SPOCK1: variants seen among roughly 807,000 people sequenced by gnomAD.
The protein encoded by SPOCK1 is testican-1.
A neutral mutation model predicts 55.3 loss-of-function variants in SPOCK1; 23 were observed. The ratio of observed to expected loss-of-function variants is 0.42; its 90% CI spans 0.30 to 0.59. SPOCK1 has a LOEUF of 0.59. Among genes scored for constraint, SPOCK1 ranks in the 20% least tolerant of loss-of-function variants. SPOCK1 has a pLI of 0.22. For synonymous variants in SPOCK1, 226 were observed against 221.0 expected (o/e 1.02, Z -0.20); for missense variants, 499 against 552.5 (o/e 0.90, Z 0.97).
At chr5:137,354,927 ATCTC>A (rs936814201) in intron 2 of SPOCK1, among the ~76,000 whole-genome samples, 1 of 151,898 alleles carries the variant, frequency 6.6e-6, no homozygotes, top group Non-Finnish European at 1.5e-5. Context: ...TTGAAAAGGC[ATCTC>A]TCTCTCTGTC....
At chr5:137,443,488 A>T (rs1350598479) in intron 2 of SPOCK1, among the ~76,000 whole-genome samples, 1 of 152,074 alleles carries the variant, frequency 6.6e-6, no homozygotes, top group African/African-American at 2.4e-5. Context: ...TCCAGTTCTC[A>T]CCCACAACCG....
At chr5:137,133,703 AAG>A (rs1321506466) in intron 4 of SPOCK1, among the ~76,000 whole-genome samples, 2 of 152,216 alleles carry the variant, frequency 1.3e-5, no homozygotes, top group Non-Finnish European at 2.9e-5. Context: ...GTTTAAAAAA[AAG>A]AGAGAGGCGA....
chr5:137,059,530 T>C (rs1752358809), intron 6 of SPOCK1, among the ~76,000 whole-genome samples: 1 of 152,176 alleles, frequency 6.6e-6, no homozygotes, highest in African/African-American at 2.4e-5. Flanking sequence ...ATTCTAGACA[T>C]AGACCTTGGC....
At chr5:137,400,177 A>G (rs1387508698) in intron 2 of SPOCK1, among the ~76,000 whole-genome samples, 1 of 152,134 alleles carries the variant, frequency 6.6e-6, no homozygotes, top group Admixed American at 6.5e-5. Flanking sequence ...CGATCACTGT[A>G]GCTTCTGGCC....
intron 6 of SPOCK1, among the ~76,000 whole-genome samples, chr5:137,017,140 C>T (rs970335099): frequency 2.0e-5 from 3 of 152,242 alleles, no homozygotes; most frequent in Non-Finnish European, 2.9e-5. Context: ...AGGACCTCAG[C>T]TACCACAGAG....
chr5:137,427,712 A>G (rs1243190314), intron 2 of SPOCK1, among the ~76,000 whole-genome samples: 1 of 152,130 alleles, frequency 6.6e-6, no homozygotes, highest in Non-Finnish European at 1.5e-5. Flanking sequence ...GATCGAGAAC[A>G]TCCTGGCTAA....
At chr5:137,072,278 G>T (rs1041618722) in intron 5 of SPOCK1, among the ~76,000 whole-genome samples, 1 of 152,176 alleles carries the variant, frequency 6.6e-6, no homozygotes, top group Non-Finnish European at 1.5e-5. Flanking sequence ...ACTCTCTAAA[G>T]GAGGAGAGTT....
chr5:137,161,619 A>C (rs1324963846), intron 3 of SPOCK1, among the ~76,000 whole-genome samples: 1 of 152,132 alleles, frequency 6.6e-6, no homozygotes, highest in Non-Finnish European at 1.5e-5. Context: ...TTTTATATAA[A>C]TATTTTTACT....
intron 4 of SPOCK1, among the ~76,000 whole-genome samples, chr5:137,138,701 A>ACC (rs33985139): frequency 2.2e-5 from 3 of 139,274 alleles, no homozygotes; most frequent in Admixed American, 7.3e-5. Flanking sequence ...TCAAATAATA[A>ACC]CCCCCCCCCC....
At chr5:137,067,571 G>T in intron 6 of SPOCK1, 144 bp downstream of exon 6, 1 of 623,366 alleles carries the variant, frequency 1.6e-6, no homozygotes, top group Non-Finnish European at 2.8e-6. Context: ...TTCGGTTTAG[G>T]GTCCCTAAAT....
At chr5:137,478,170 C>T (rs1476904767) in intron 2 of SPOCK1, among the ~76,000 whole-genome samples, 4 of 152,132 alleles carry the variant, frequency 2.6e-5, no homozygotes, top group Admixed American at 2.6e-4. Flanking sequence ...TGTAGGTGTA[C>T]ACATGCATGG....
intron 2 of SPOCK1, among the ~76,000 whole-genome samples, chr5:137,267,576 T>C (rs1037833466): frequency 2.6e-5 from 4 of 152,364 alleles, no homozygotes; most frequent in African/African-American, 7.2e-5. Flanking sequence ...TTTAGCTTAA[T>C]ACCATTTGTT....
intron 2 of SPOCK1, among the ~76,000 whole-genome samples, chr5:137,358,528 T>G (rs991623830): frequency 0.12 from 2,551 of 21,136 alleles, no homozygotes; most frequent in African/African-American, 0.13. Flanking sequence ...GGTGGAGGAG[T>G]GGGGGAAGGA....
intron 9 of SPOCK1, 138 bp from the exon 10 acceptor site, chr5:136,979,607 C>G: frequency 8.8e-7 from 1 of 1,137,788 alleles, no homozygotes; most frequent in East Asian, 2.5e-5. Context: ...GGATGGTTGG[C>G]TATTAGTCAA....
chr5:137,498,545 G>A lies in SPOCK1; in HGVS notation c.14C>T (p.Ala5Val), dbSNP rs768946526. 6 of 1,526,618 alleles carry A rather than the reference G, an allele frequency of 3.9e-6. No individual in the cohort carries two copies. In the African/African-American group the frequency reaches 5.6e-5, roughly 14 times the overall value. The allele number at this position is 1,526,618 out of a possible 1,614,324, so 94.6% of individuals were successfully genotyped here. A position where few individuals can be genotyped will look rare whatever the true frequency, so the allele number is the denominator to read the frequency against. ...CGCCGCGGCGGCCGCCGCCAACACC[G>A]CGATCGCCGGCATCTGCGGGGCAGG... is the stretch of plus-strand genomic sequence containing the variant. The part of the protein sequence containing the change: MPAI[A>V]VLAAAAAAWC... Residue 5 changes from alanine (A) to valine (V), a missense_variant, in exon 2 of 11, where the codon GCG becomes GTG. Physicochemically the swap from Ala to Val is moderately conservative, Grantham distance 64. Transcript: ENST00000394945.
intron 3 of SPOCK1, among the ~76,000 whole-genome samples, chr5:137,266,470 G>A (rs1030445813): frequency 9.2e-5 from 14 of 152,250 alleles, no homozygotes; most frequent in African/African-American, 3.1e-4. Flanking sequence ...GGGAATGGGG[G>A]TGGAGAAAGC....
intron 2 of SPOCK1, among the ~76,000 whole-genome samples, chr5:137,493,750 G>A (rs1251370230): frequency 3.3e-5 from 5 of 152,092 alleles, no homozygotes; most frequent in African/African-American, 4.8e-5. Flanking sequence ...CTCGATTACG[G>A]GCTGAGTTTC....
intron 6 of SPOCK1, among the ~76,000 whole-genome samples, chr5:137,025,609 G>T (rs900620823): frequency 5.3e-5 from 8 of 152,152 alleles, no homozygotes; most frequent in African/African-American, 1.7e-4. Flanking sequence ...AGGTACCGGG[G>T]AGCTGAAGTG....
rs1362836164 is a variant in SPOCK1, at chr5:137,126,150, C to G, written c.348-13589G>C. Reference sequence around the variant, plus strand: ...CACTGTAATAATTGAGTGTTGAGTTCTTGCTCTTTTCATGTCCATGAGAAA... The same window carrying G: ...CACTGTAATAATTGAGTGTTGAGTTGTTGCTCTTTTCATGTCCATGAGAAA... On this transcript the variant is annotated intron_variant, in intron 4 of 10. Coordinates refer to ENST00000394945, the MANE Select transcript of SPOCK1 (RefSeq NM_004598.4). 2.0e-5 allele frequency among the ~76,000 whole-genome samples: 3 copies of G among 152,294 alleles called. No individual in the cohort carries two copies. The South Asian group carries it at 6.2e-4, about 32-fold the overall frequency.
Sources: gnomAD v4.1 joint callset for allele counts (sites outside exome capture counted in the v4.1 genomes callset) on GRCh38, gnomAD v4.1.1 for gene constraint, MANE v1.5 for transcripts, NCBI Gene and HGNC (gene_info 2026-07-23, HGNC 2026-07-21) for gene names.